FANCD2: variants seen among roughly 807,000 people sequenced by gnomAD.
FANCD2 encodes the protein FA complementation group D2.
In FANCD2, 131 loss-of-function variants were observed where a neutral mutation model predicts 192.3. That is an observed-to-expected ratio of 0.68 (90% CI 0.59 to 0.79). FANCD2 has a LOEUF of 0.79. FANCD2 is among the 30% of genes least tolerant of loss of function. The pLI is 0.00. For synonymous variants in FANCD2, 524 were observed against 612.5 expected, an observed-to-expected ratio of 0.86 and a Z score of 2.13; for missense variants, 1,508 against 1,701.6, an observed-to-expected ratio of 0.89 and a Z score of 2.00.
chr3:10,096,424 T>A lies in FANCD2; in HGVS notation c.4137T>A (p.Asn1379Lys), dbSNP rs752376206. 4 of 1,614,018 alleles carry A rather than the reference T, an allele frequency of 2.5e-6. No homozygotes were observed. Among genetic ancestry groups the A allele is most frequent in the Non-Finnish European group, 2.5e-6 (3 of 1,180,012 alleles). Residue 1379 changes from asparagine (N) to lysine (K), a missense_variant, in exon 42 of 44, where the codon AAT (asparagine) becomes AAA (lysine). By Grantham distance (94) the Asn-to-Lys change is moderately conservative. This residue lies in a region of FANCD2 where 796 missense variants were observed against 879.4 expected (regional missense o/e 0.91). Coordinates refer to ENST00000675286, the MANE Select transcript of FANCD2 (RefSeq NM_001018115.3). ...CRVKAMLTLN[N>K]CREAFWLGNL... ...TCAAAGCTATGCTCACTCTCAACAA[T>A]TGTAGAGAGGCTTTCTGGCTGGGCA...
rs115813235 is a variant in FANCD2, at chr3:10,076,092, A to G, written c.2859+1419A>G. ...TCTTGCCCTTAGGAGATGCCACATA[A>G]ATGTGTATTGAGTGAGCAGTTTGCA... On this transcript the variant is annotated intron_variant, in intron 29 of 43. Transcript: ENST00000675286. Among the ~76,000 whole-genome samples, 879 of 150,964 alleles carry G rather than the reference A, an allele frequency of 5.8e-3. 11 individuals carry two copies. The highest frequency in any genetic ancestry group is 0.02 in the African/African-American group (819 of 41,104).
chr3:10,087,400 AC>A, intron 34 of FANCD2, 136 bp downstream of exon 34: 1 of 798,340 alleles, frequency 1.3e-6, no homozygotes, highest in Non-Finnish European at 2.0e-6. Context: ...CTCTTGCTAT[AC>A]CAAGAAGGTC....
chr3:10,068,467 A>G (rs1035656670), intron 26 of FANCD2, among the ~76,000 whole-genome samples: 2 of 152,172 alleles, frequency 1.3e-5, no homozygotes, highest in African/African-American at 4.8e-5. Flanking sequence ...AATGAGTACT[A>G]TGAAACATTG....
Position 10,081,394 on chromosome 3 carries a change from G to C in FANCD2, c.3154G>C (p.Val1052Leu). Residue 1052 changes from valine (V) to leucine (L), a missense_variant, in exon 32 of 44, where the codon GTT (valine) becomes CTT (leucine). Physicochemically the swap from Val to Leu is conservative, Grantham distance 32. Coordinates refer to ENST00000675286, the MANE Select transcript of FANCD2 (RefSeq NM_001018115.3). ...TGTAGTTGATGGACCAGGAGTGAAA[G>C]TTCAGGAGTACCACATAATGTCTTC... ...HGVVDGPGVK[V>L]QEYHIMSSCY... The C allele has an allele frequency of 6.2e-7, 1 of 1,614,146 alleles. No homozygotes were observed. Among genetic ancestry groups the C allele is most frequent in the South Asian group, 1.1e-5 (1 of 91,092 alleles).
At position 10,073,292 on chromosome 3, in the gene FANCD2, C is replaced by T. The variant is rs1485120268; in HGVS notation, c.2645C>T (p.Ser882Phe). The T allele has an allele frequency of 6.2e-7, 1 of 1,613,966 alleles. No homozygotes were observed. Among genetic ancestry groups the T allele is most frequent in the Non-Finnish European group, 8.5e-7 (1 of 1,179,986 alleles). The change falls in exon 28 of 44, where the codon TCT becomes TTT. Residue 882 changes from serine (S) to phenylalanine (F), a missense_variant. Transcript: ENST00000675286. ...QKTDGSKTSS[S>F]DTLSEEKNSE... The stretch of plus-strand genomic sequence containing the variant: ...ACAGATGGCAGCAAGACATCCTCCT[C>T]TGACACACTTTCAGAAGAGAAAAAT...
At position 10,081,405 on chromosome 3, in the gene FANCD2, C is replaced by A; in HGVS notation, c.3165C>A (p.Tyr1055Ter). The change falls in exon 32 of 44, where the codon TAC becomes TAA. Residue 1055 changes from tyrosine (Y) to a stop codon, truncating the protein, a stop_gained. Transcript: ENST00000675286. LOFTEE classifies it high-confidence loss of function. ...VDGPGVKVQE[Y>*]HIMSSCYQRL... ...GACCAGGAGTGAAAGTTCAGGAGTA[C>A]CACATAATGTCTTCCTGCTATCAGA... is the stretch of plus-strand genomic sequence containing the variant. The A allele has an allele frequency of 6.2e-7, 1 of 1,614,018 alleles. No individual in the cohort carries two copies. The highest frequency in any genetic ancestry group is 8.5e-7 in the Non-Finnish European group (1 of 1,179,944).
rs2086679303 is a variant in FANCD2, at chr3:10,034,414, G to C, written c.206-55G>C. 11 of 1,282,014 alleles carry C rather than the reference G, an allele frequency of 8.6e-6. No individual in the cohort carries two copies. In the South Asian group the frequency reaches 9.5e-5, roughly 11 times the overall value. 79.4% of individuals were successfully genotyped at this position (1,282,014 alleles called of 1,614,324 possible). Reference sequence around the variant, plus strand: ...ATCAGGCAAGAAACTTGGGTTTTTAGAGAAGGAAAACTATGGTAGGAAACT... The same window carrying C: ...ATCAGGCAAGAAACTTGGGTTTTTACAGAAGGAAAACTATGGTAGGAAACT... On this transcript the variant is annotated intron_variant, in intron 3 of 43. Transcript: ENST00000675286.
rs1192186972 is a variant in FANCD2, at chr3:10,069,493, C to CACA, written c.2494+2176_2494+2177insACA. Among the ~76,000 whole-genome samples, 5 of 134,422 alleles carry CACA rather than the reference C, an allele frequency of 3.7e-5. No homozygotes were observed. In the South Asian group the frequency reaches 9.1e-4, roughly 25 times the overall value. 88.2% of individuals were successfully genotyped at this position (134,422 alleles called of 152,430 possible). On this transcript the variant is annotated intron_variant, in intron 26 of 43. Coordinates refer to ENST00000675286, the MANE Select transcript of FANCD2 (RefSeq NM_001018115.3). ...CCTCCCCCTCCCCCTCCCCCTCTCC[C>CACA]GTCTCCCTCTGATGCCGAGCCAAAG...
At chr3:10,058,838 A>C (rs1013362674) in intron 18 of FANCD2, among the ~76,000 whole-genome samples, 1 of 152,034 alleles carries the variant, frequency 6.6e-6, no homozygotes, top group African/African-American at 2.4e-5. Context: ...TTGAAATTCC[A>C]TGTGAATTTT....
chr3:10,063,547 G>C (rs1320899278), intron 20 of FANCD2, among the ~76,000 whole-genome samples: 2 of 152,156 alleles, frequency 1.3e-5, no homozygotes, highest in African/African-American at 4.8e-5. Context: ...GGGTTTCTTA[G>C]CATGGAAATG....
chr3:10,067,059 C>A, intron 25 of FANCD2, 150 bp from the exon 26 acceptor site: 1 of 630,366 alleles, frequency 1.6e-6, no homozygotes, highest in South Asian at 1.7e-5. Context: ...GATTTTTTTT[C>A]TGTATACCAC....
At chr3:10,077,545 ACT>A (rs1693603434) in intron 29 of FANCD2, among the ~76,000 whole-genome samples, 1 of 149,608 alleles carries the variant, frequency 6.7e-6, no homozygotes, top group Non-Finnish European at 1.5e-5. Context: ...ACGGAACAAG[ACT>A]CTGTCTCAAA....
At chr3:10,045,278 C>G (rs542328237) in intron 14 of FANCD2, among the ~76,000 whole-genome samples, 52 of 152,146 alleles carry the variant, frequency 3.4e-4, no homozygotes, top group African/African-American at 1.2e-3. Flanking sequence ...ACGCCATTCT[C>G]CCGCTTCAGC....
At chr3:10,039,584 G>T (rs2086812673) in intron 8 of FANCD2, 137 bp from the exon 9 acceptor site, 1 of 1,003,746 alleles carries the variant, frequency 1.0e-6, no homozygotes. Context: ...AAATATTTGG[G>T]AAGATTCTTT....
Position 10,062,131 on chromosome 3 carries a change from A to G in FANCD2, c.1767-20A>G. ...ACTTAAAGTATAATAATAATTTAAA[A>G]AAAAATTCTTTGTTTTTAGAAGTGA... On this transcript the variant is annotated intron_variant, in intron 19 of 43. Coordinates refer to ENST00000675286, the MANE Select transcript of FANCD2 (RefSeq NM_001018115.3). The G allele has an allele frequency of 1.3e-6, 2 of 1,592,454 alleles. No individual in the cohort carries two copies. The highest frequency in any genetic ancestry group is 1.7e-6 in the Non-Finnish European group (2 of 1,165,460).
intron 17 of FANCD2, among the ~76,000 whole-genome samples, chr3:10,050,074 C>T (rs2087150642): frequency 6.6e-6 from 1 of 152,162 alleles, no homozygotes; most frequent in African/African-American, 2.4e-5. Context: ...TGCAAAGAGT[C>T]TCAAATAACA....
intron 29 of FANCD2, among the ~76,000 whole-genome samples, chr3:10,077,787 T>C (rs941579139): frequency 3.3e-5 from 5 of 151,970 alleles, no homozygotes; most frequent in Admixed American, 2.6e-4. Context: ...CCTGGCATAT[T>C]GGGAGGCCAA....
At chr3:10,078,246 A>G (rs762149344) in intron 30 of FANCD2, 49 bp downstream of exon 30, 1 of 1,234,186 alleles carries the variant, frequency 8.1e-7, no homozygotes, top group Non-Finnish European at 1.2e-6. Flanking sequence ...ATTTGGGAAC[A>G]AAGGAGGTAT....
At chr3:10,086,485 C>T (rs1694211045) in intron 33 of FANCD2, among the ~76,000 whole-genome samples, 1 of 151,980 alleles carries the variant, frequency 6.6e-6, no homozygotes, top group African/African-American at 2.4e-5. Context: ...AGGTCAGGAC[C>T]TTATATCTTC....
Sources: allele counts gnomAD v4.1 joint callset (sites outside exome capture counted in the v4.1 genomes callset), GRCh38; gene constraint gnomAD v4.1.1; regional missense constraint gnomAD v4.1.1; transcripts MANE v1.5; gene names NCBI Gene and HGNC (gene_info 2026-07-23, HGNC 2026-07-21).